SLC15A2: variants seen among roughly 807,000 people sequenced by gnomAD.
SLC15A2 encodes kidney H(+)/peptide cotransporter.
In SLC15A2, 77 loss-of-function variants were observed where a neutral mutation model predicts 95.5. The ratio of observed to expected loss-of-function variants is 0.81; its 90% CI spans 0.67 to 0.97. The LOEUF is 0.97. Ranked by LOEUF, SLC15A2 falls within the 50% of genes least tolerant of loss-of-function variation. The pLI is 0.00. For synonymous variants in SLC15A2, 306 were observed against 306.9 expected, an observed-to-expected ratio of 1.00 and a Z score of 0.03; for missense variants, 893 against 874.4, an observed-to-expected ratio of 1.02 and a Z score of -0.27.
intron 19 of SLC15A2, among the ~76,000 whole-genome samples, chr3:121,937,050 C>A (rs1710361631): frequency 6.7e-6 from 1 of 148,802 alleles, no homozygotes; most frequent in South Asian, 2.2e-4. Context: ...ATATGAAATT[C>A]TGGGTTGAAA....
chr3:121,927,872 C>T, intron 14 of SLC15A2, 33 bp downstream of exon 14: 6 of 1,478,964 alleles, frequency 4.1e-6, no homozygotes, highest in Non-Finnish European at 5.7e-6. Flanking sequence ...TCTATGAGGG[C>T]AGGATCATAT....
At chr3:121,940,520 T>TA (rs1559856815) in intron 21 of SLC15A2, 32 bp downstream of exon 21, 1 of 1,557,596 alleles carries the variant, frequency 6.4e-7, no homozygotes, top group Admixed American at 1.7e-5. Context: ...GATTCATTTC[T>TA]ACTCAAGTTT....
chr3:121,942,762 T>C lies in SLC15A2; in HGVS notation c.*1755T>C, dbSNP rs1371418530. On this transcript the variant is annotated 3_prime_UTR_variant, in exon 22 of 22. Coordinates refer to ENST00000489711, the MANE Select transcript of SLC15A2 (RefSeq NM_021082.4). ...TATGGACAAATAAGTTTGGGAAATGTGGCATACTGTATCCTTTTCTTAACA... is the reference window on the plus strand; with the variant it reads ...TATGGACAAATAAGTTTGGGAAATGCGGCATACTGTATCCTTTTCTTAACA... 6.6e-6 allele frequency: 1 copy of C among 152,232 alleles called. No homozygotes were observed. Among genetic ancestry groups the C allele is most frequent in the Non-Finnish European group, 1.5e-5 (1 of 68,040 alleles). 9.4% of individuals were successfully genotyped at this position (152,232 alleles called of 1,614,324 possible).
intron 19 of SLC15A2, among the ~76,000 whole-genome samples, chr3:121,938,468 G>T (rs1360104745): frequency 1.3e-5 from 2 of 152,208 alleles, no homozygotes; most frequent in African/African-American, 2.4e-5. Flanking sequence ...ATCTCGTGGT[G>T]CGCCGTTTTT....
chr3:121,924,265 C>T, intron 11 of SLC15A2, 86 bp from the exon 12 acceptor site: 1 of 1,151,142 alleles, frequency 8.7e-7, no homozygotes, highest in Non-Finnish European at 1.3e-6. Flanking sequence ...TTCTCACTTG[C>T]TAACTAGCAA....
chr3:121,933,898 C>A (rs1180029831), intron 19 of SLC15A2, among the ~76,000 whole-genome samples: 10 of 148,930 alleles, frequency 6.7e-5, no homozygotes, highest in Admixed American at 6.7e-4. Flanking sequence ...GGTTTTAGGT[C>A]TAACGTTTAA....
chr3:121,936,797 T>C (rs1421787656), intron 19 of SLC15A2, among the ~76,000 whole-genome samples: 2 of 146,474 alleles, frequency 1.4e-5, no homozygotes, highest in African/African-American at 5.1e-5. Flanking sequence ...GTGAATTTGA[T>C]CCTGTCATTA....
At chr3:121,928,369 G>A in intron 14 of SLC15A2, 52 bp from the exon 15 acceptor site, 1 of 1,594,960 alleles carries the variant, frequency 6.3e-7, no homozygotes, top group East Asian at 2.2e-5. Flanking sequence ...TGTTGCCATT[G>A]TATCTGAAGG....
chr3:121,916,866 G>A (rs1018691200), intron 7 of SLC15A2, among the ~76,000 whole-genome samples: 6 of 151,890 alleles, frequency 4.0e-5, no homozygotes, highest in African/African-American at 1.5e-4. Context: ...TGTCGCCCAG[G>A]CTGGAGTGCA....
chr3:121,900,722 C>T (rs1709504543), intron 3 of SLC15A2, among the ~76,000 whole-genome samples: 1 of 152,054 alleles, frequency 6.6e-6, no homozygotes, highest in African/African-American at 2.4e-5. Flanking sequence ...ATGTCCAAAC[C>T]CCGTAAGGCT....
At chr3:121,914,095 T>C (rs1274425778) in intron 5 of SLC15A2, among the ~76,000 whole-genome samples, 1 of 152,198 alleles carries the variant, frequency 6.6e-6, no homozygotes, top group Non-Finnish European at 1.5e-5. Context: ...TTTATACTCT[T>C]TATCTGTCAA....
At position 121,925,026 on chromosome 3, in the gene SLC15A2, A is replaced by G. The variant is rs781148152; in HGVS notation, c.1117A>G (p.Asn373Asp). The G allele has an allele frequency of 6.2e-6, 10 of 1,607,426 alleles. No homozygotes were observed. The highest frequency in any genetic ancestry group is 8.5e-6 in the Non-Finnish European group (10 of 1,173,980). Residue 373 changes from asparagine to aspartate, a missense_variant, in exon 13 of 22, where the codon AAC becomes GAC. Physicochemically the swap from Asn to Asp is conservative, Grantham distance 23. Transcript: ENST00000489711. ...TCGTCTGGTCTCCAAGTGTGGAATT[A>G]ACTTCTCGTAAGTGTTCACTATGTC... ...IYRLVSKCGI[N>D]FSSLRKMAVG...
intron 14 of SLC15A2, 163 bp from the exon 15 acceptor site, chr3:121,928,258 C>G (rs575381283): frequency 5.2e-6 from 4 of 771,896 alleles, no homozygotes; most frequent in African/African-American, 3.5e-5. Context: ...GTTTCCCTCT[C>G]CAAGCTGCCT....
chr3:121,918,412 T>C (rs959344748), intron 7 of SLC15A2, among the ~76,000 whole-genome samples: 4 of 152,186 alleles, frequency 2.6e-5, no homozygotes, highest in African/African-American at 9.7e-5. Flanking sequence ...TTGGAATATT[T>C]AATTGGAGTT....
In SLC15A2 at chr3:121,912,811, A is replaced by G. The variant is rs549936677; in HGVS notation, c.429-210A>G. The stretch of plus-strand genomic sequence containing the variant: ...GATGAAATCTTCCCACATAATGCAT[A>G]CTTTCTTGCAGAGGCCGAAGGATCA... On this transcript the variant is annotated intron_variant, in intron 4 of 21. Coordinates refer to ENST00000489711, the MANE Select transcript of SLC15A2 (RefSeq NM_021082.4). 2.6e-5 allele frequency among the ~76,000 whole-genome samples: 4 copies of G among 152,278 alleles called. No individual in the cohort carries two copies. The South Asian group carries it at 8.3e-4, about 32-fold the overall frequency.
chr3:121,915,162 T>C, intron 5 of SLC15A2, 65 bp from the exon 6 acceptor site: 1 of 1,319,464 alleles, frequency 7.6e-7, no homozygotes. Context: ...GCTCTGAATC[T>C]GAACGTGGAG....
At chr3:121,911,533 C>T (rs767956544) in intron 3 of SLC15A2, 41 bp from the exon 4 acceptor site, 2 of 1,337,060 alleles carry the variant, frequency 1.5e-6, no homozygotes, top group Non-Finnish European at 2.2e-6. Flanking sequence ...TCAAATCTCT[C>T]AGTTCTGGTT....
intron 7 of SLC15A2, among the ~76,000 whole-genome samples, chr3:121,918,573 A>C (rs1480742567): frequency 6.6e-6 from 1 of 151,650 alleles, no homozygotes; most frequent in Non-Finnish European, 1.5e-5. Context: ...TAAAAAAAAA[A>C]GTGGGGTGGG....
At chr3:121,908,685 A>G (rs1421045594) in intron 3 of SLC15A2, among the ~76,000 whole-genome samples, 2 of 152,156 alleles carry the variant, frequency 1.3e-5, no homozygotes, top group African/African-American at 4.8e-5. Context: ...GCCTCTGTAT[A>G]TACCTCTTCT....
Sources: allele counts gnomAD v4.1 joint callset (sites outside exome capture counted in the v4.1 genomes callset), GRCh38; gene constraint gnomAD v4.1.1; transcripts MANE v1.5; gene names NCBI Gene and HGNC (gene_info 2026-07-23, HGNC 2026-07-21).